The following GRM7 variants were observed in gnomAD, a reference collection of about 807,000 sequenced individuals.
GRM7 encodes the protein glutamate metabotropic receptor 7.
GRM7 carries 35 observed loss-of-function variants against 84.5 expected under a neutral mutation model. That is an observed-to-expected ratio of 0.41 (90% CI 0.32 to 0.55). GRM7 has a LOEUF of 0.55. Among genes scored for constraint, GRM7 ranks in the 20% least tolerant of loss-of-function variants. The pLI is 0.19. For synonymous variants in GRM7, 487 were observed against 455.1 expected, an observed-to-expected ratio of 1.07 and a Z score of -0.89; for missense variants, 1,003 against 1,194.6, an observed-to-expected ratio of 0.84 and a Z score of 2.36.
intron 8 of GRM7, among the ~76,000 whole-genome samples, chr3:7,592,127 C>A (rs1158295064): frequency 2.0e-5 from 3 of 151,950 alleles, no homozygotes; most frequent in African/African-American, 7.3e-5. Flanking sequence ...TATATCCTAG[C>A]CACTGTTGTG....
chr3:7,619,794 G>C (rs538192691), intron 8 of GRM7, among the ~76,000 whole-genome samples: 1 of 152,158 alleles, frequency 6.6e-6, no homozygotes, highest in South Asian at 2.1e-4. Flanking sequence ...TTGAAGCTTT[G>C]TGTTTTGTCA....
intron 9 of GRM7, among the ~76,000 whole-genome samples, chr3:7,703,237 A>G (rs914226699): frequency 6.6e-6 from 1 of 152,154 alleles, no homozygotes; most frequent in African/African-American, 2.4e-5. Flanking sequence ...AAACTTATTA[A>G]TAATGCAAAT....
chr3:7,392,095 T>C (rs535037808), intron 4 of GRM7, among the ~76,000 whole-genome samples: 32 of 152,290 alleles, frequency 2.1e-4, no homozygotes, highest in Non-Finnish European at 4.3e-4. Context: ...TATCCCCTCC[T>C]TTGGTGTGGT....
At chr3:7,730,026 C>A (rs974233446) in intron 9 of GRM7, among the ~76,000 whole-genome samples, 3 of 149,840 alleles carry the variant, frequency 2.0e-5, no homozygotes, top group African/African-American at 5.0e-5. Flanking sequence ...AGGCGCCCAC[C>A]ATCACACCTG....
intron 2 of GRM7, among the ~76,000 whole-genome samples, chr3:7,191,124 T>C (rs1385184569): frequency 1.3e-5 from 2 of 152,164 alleles, no homozygotes; most frequent in Non-Finnish European, 2.9e-5. Context: ...TCTATAATAT[T>C]AGCCATGGCA....
intron 5 of GRM7, among the ~76,000 whole-genome samples, chr3:7,427,047 A>G (rs1696638354): frequency 6.6e-6 from 1 of 152,206 alleles, no homozygotes; most frequent in South Asian, 2.1e-4. Flanking sequence ...GGATTGAATC[A>G]GAGACTTTGT....
intron 4 of GRM7, among the ~76,000 whole-genome samples, chr3:7,357,417 C>A (rs1251066319): frequency 6.6e-6 from 1 of 151,980 alleles, no homozygotes; most frequent in East Asian, 1.9e-4. Context: ...AACCCAGCAC[C>A]ATAGAACTCA....
At chr3:7,120,604 A>G (rs1237486231) in intron 1 of GRM7, among the ~76,000 whole-genome samples, 3 of 152,148 alleles carry the variant, frequency 2.0e-5, no homozygotes, top group African/African-American at 7.2e-5. Context: ...GCATATAGTT[A>G]TATATATTGC....
chr3:7,003,408 T>C (rs1290454285), intron 1 of GRM7, among the ~76,000 whole-genome samples: 1 of 147,258 alleles, frequency 6.8e-6, no homozygotes, highest in Non-Finnish European at 1.5e-5. Context: ...AGGTATTTTT[T>C]TGTAAAAAAA....
At chr3:7,589,793 G>A (rs1308540460) in intron 8 of GRM7, among the ~76,000 whole-genome samples, 2 of 152,196 alleles carry the variant, frequency 1.3e-5, no homozygotes, top group Non-Finnish European at 2.9e-5. Flanking sequence ...AATCAGTCTA[G>A]CTGATGCAGA....
chr3:7,297,784 C>T (rs192193072), intron 2 of GRM7, among the ~76,000 whole-genome samples: 61 of 152,224 alleles, frequency 4.0e-4, no homozygotes, highest in Non-Finnish European at 7.4e-4. Context: ...GCCCCTTGGA[C>T]GGCCATTAGG....
chr3:7,716,242 T>C (rs1701766318), intron 9 of GRM7, among the ~76,000 whole-genome samples: 1 of 152,170 alleles, frequency 6.6e-6, no homozygotes, highest in African/African-American at 2.4e-5. Context: ...ACAAGCTGTC[T>C]CCTTCTTACA....
intron 9 of GRM7, among the ~76,000 whole-genome samples, chr3:7,690,203 A>G (rs1700746096): frequency 6.6e-6 from 1 of 152,166 alleles, no homozygotes; most frequent in South Asian, 2.1e-4. Context: ...TGCAGGAAGC[A>G]GCCTGAGGGT....
intron 8 of GRM7, among the ~76,000 whole-genome samples, chr3:7,656,820 C>T (rs967570743): frequency 1.3e-5 from 2 of 152,160 alleles, no homozygotes; most frequent in African/African-American, 2.4e-5. Flanking sequence ...AGTTTTCACA[C>T]TGTGCCTTTA....
intron 2 of GRM7, among the ~76,000 whole-genome samples, chr3:7,238,025 C>T (rs1297883062): frequency 6.6e-6 from 1 of 152,076 alleles, no homozygotes; most frequent in Admixed American, 6.5e-5. Flanking sequence ...TCCACCTGAC[C>T]CAGAAGCCCA....
intron 7 of GRM7, among the ~76,000 whole-genome samples, chr3:7,522,467 T>C (rs1700632492): frequency 6.6e-6 from 1 of 152,158 alleles, no homozygotes; most frequent in African/African-American, 2.4e-5. Context: ...TACTGCCTTG[T>C]AGAGCTATGA....
chr3:7,257,938 T>C (rs1698269272), intron 2 of GRM7, among the ~76,000 whole-genome samples: 1 of 152,210 alleles, frequency 6.6e-6, no homozygotes, highest in Non-Finnish European at 1.5e-5. Context: ...ACTTTCATGT[T>C]ACTCATATGT....
chr3:7,644,556 A>G lies in GRM7; in HGVS notation c.2452-35493A>G, dbSNP rs1698532848. Among the ~76,000 whole-genome samples, 4 of 152,160 alleles carry G rather than the reference A, an allele frequency of 2.6e-5. No individual in the cohort carries two copies. The South Asian group carries it at 8.3e-4, about 32-fold the overall frequency. On this transcript the variant is annotated intron_variant, in intron 8 of 9. Transcript: ENST00000357716. ...TTCAAAGATGCAGAAACTGAGGAAAAAATGTTATTCCTCAATCTTTATTCC... is the reference window on the plus strand; with the variant it reads ...TTCAAAGATGCAGAAACTGAGGAAAGAATGTTATTCCTCAATCTTTATTCC...
rs1187367823 is a variant in GRM7, at chr3:7,168,985, T to C, written c.736+22317T>C. On this transcript the variant is annotated intron_variant, in intron 2 of 9. Coordinates refer to ENST00000357716, the MANE Select transcript of GRM7 (RefSeq NM_000844.4). ...TATGTGCATAAATATGTACACATAC[T>C]ATTTTTGTCTAAATGTATGTATGCA... 3.3e-5 allele frequency among the ~76,000 whole-genome samples: 5 copies of C among 152,228 alleles called. No individual in the cohort carries two copies. In the East Asian group the frequency reaches 7.7e-4, roughly 23 times the overall value.
Sources: allele counts gnomAD v4.1 joint callset (sites outside exome capture counted in the v4.1 genomes callset), GRCh38; gene constraint gnomAD v4.1.1; transcripts MANE v1.5; gene names NCBI Gene and HGNC (gene_info 2026-07-23, HGNC 2026-07-21).